MGAT5: variants seen among roughly 807,000 people sequenced by gnomAD.
MGAT5 encodes alpha-1,6-mannosylglycoprotein 6-beta-N-acetylglucosaminyltransferase A.
A neutral mutation model predicts 94.3 loss-of-function variants in MGAT5; 30 were observed. That is an observed-to-expected ratio of 0.32 (90% CI 0.24 to 0.43). MGAT5 has a LOEUF of 0.43. MGAT5 is among the 20% of genes least tolerant of loss of function. The pLI is 1.00. For synonymous variants in MGAT5, 310 were observed against 322.9 expected, an observed-to-expected ratio of 0.96 and a Z score of 0.43; for missense variants, 691 against 905.5, an observed-to-expected ratio of 0.76 and a Z score of 3.04.
intron 8 of MGAT5, among the ~76,000 whole-genome samples, 184 bp from the exon 9 acceptor site, chr2:134,349,621 A>G (rs1679242389): frequency 6.6e-6 from 1 of 152,218 alleles, no homozygotes; most frequent in South Asian, 2.1e-4. Context: ...CTCAGACTCT[A>G]AAGTGACACA....
intron 8 of MGAT5, among the ~76,000 whole-genome samples, chr2:134,345,793 T>C (rs1042427420): frequency 6.6e-6 from 1 of 152,186 alleles, no homozygotes; most frequent in Non-Finnish European, 1.5e-5. Context: ...TTTTTAACAA[T>C]GTGAGAGTAG....
chr2:134,441,837 A>G lies in MGAT5; in HGVS notation c.1949A>G (p.Lys650Arg). The G allele has an allele frequency of 6.2e-7, 1 of 1,614,090 alleles. No individual in the cohort carries two copies. Among genetic ancestry groups the G allele is most frequent in the Non-Finnish European group, 8.5e-7 (1 of 1,179,986 alleles). Residue 650 changes from lysine (K) to arginine (R), a missense_variant, in exon 15 of 16, where the codon AAG becomes AGG. This residue lies in a region of MGAT5 where 260 missense variants were observed against 347.0 expected (regional missense o/e 0.75). Coordinates refer to ENST00000281923, the MANE Select transcript of MGAT5 (RefSeq NM_002410.5). ...VKLAEPGQSC[K>R]QVCQESQLIC... is the part of the protein sequence containing the mutation. ...CTTGCTGAGCCCGGGCAGTCCTGCA[A>G]GCAGGTGTGCCAGGAGAGCCAGCTC... is the stretch of plus-strand genomic sequence containing the variant.
At chr2:134,416,205 T>G (rs1454619233) in intron 12 of MGAT5, among the ~76,000 whole-genome samples, 1 of 152,248 alleles carries the variant, frequency 6.6e-6, no homozygotes, top group African/African-American at 2.4e-5. Context: ...TTTGCAATAT[T>G]GTGCAACCAT....
rs757410151 is a variant in MGAT5, at chr2:134,336,208, G to C, written c.574-9G>C. ...AAGCTGCATATTTAGTGTCACTGAT[G>C]CTTTTTAGGTTGAAAATTGGTGTCC... On this transcript the variant is annotated splice_polypyrimidine_tract_variant and intron_variant, in intron 4 of 15. Coordinates refer to ENST00000281923, the MANE Select transcript of MGAT5 (RefSeq NM_002410.5). 1.6e-5 allele frequency: 26 copies of C among 1,610,568 alleles called. No individual in the cohort carries two copies. The South Asian group carries it at 2.5e-4, about 16-fold the overall frequency.
chr2:134,257,230 T>C (rs1683023038), intron 1 of MGAT5, among the ~76,000 whole-genome samples: 1 of 152,156 alleles, frequency 6.6e-6, no homozygotes, highest in African/African-American at 2.4e-5. Flanking sequence ...CTGGTTTTAG[T>C]TTTTTTGTTT....
At chr2:134,213,062 G>T (rs1680285884) in intron 1 of MGAT5, among the ~76,000 whole-genome samples, 3 of 152,118 alleles carry the variant, frequency 2.0e-5, no homozygotes. Flanking sequence ...AGGCCTTTTG[G>T]ATATTTGCAT....
At chr2:134,289,440 G>C (rs1685211039) in intron 2 of MGAT5, among the ~76,000 whole-genome samples, 1 of 152,170 alleles carries the variant, frequency 6.6e-6, no homozygotes, top group African/African-American at 2.4e-5. Flanking sequence ...TGTGCTACCT[G>C]AGTCAGCGGA....
chr2:134,377,018 A>T (rs1196146873), intron 10 of MGAT5, among the ~76,000 whole-genome samples: 1 of 152,212 alleles, frequency 6.6e-6, no homozygotes, highest in Non-Finnish European at 1.5e-5. Context: ...TTCCTAGCTC[A>T]CATTGTTGAC....
At chr2:134,331,894 C>G (rs942690118) in intron 4 of MGAT5, among the ~76,000 whole-genome samples, 1 of 151,878 alleles carries the variant, frequency 6.6e-6, no homozygotes, top group African/African-American at 2.4e-5. Context: ...AACTACAAAC[C>G]ACTGCTCAAT....
chr2:134,219,661 A>G (rs183812392), intron 1 of MGAT5, among the ~76,000 whole-genome samples: 120 of 152,302 alleles, frequency 7.9e-4, no homozygotes, highest in African/African-American at 2.6e-3. Context: ...CCACTTAACC[A>G]TCACTACTAA....
chr2:134,273,775 G>A (rs1684179189), intron 2 of MGAT5, among the ~76,000 whole-genome samples: 1 of 152,218 alleles, frequency 6.6e-6, no homozygotes, highest in South Asian at 2.1e-4. Context: ...GGAAATTTAG[G>A]TGGAAATGAG....
intron 1 of MGAT5, among the ~76,000 whole-genome samples, chr2:134,137,516 C>T (rs879889569): frequency 2.6e-5 from 4 of 152,198 alleles, no homozygotes; most frequent in Non-Finnish European, 5.9e-5. Flanking sequence ...GACTTGAAGT[C>T]ATTGCTGTGC....
intron 1 of MGAT5, among the ~76,000 whole-genome samples, chr2:134,215,372 T>C (rs1362062702): frequency 6.6e-6 from 1 of 152,182 alleles, no homozygotes; most frequent in African/African-American, 2.4e-5. Context: ...GTTTGTTTGT[T>C]TTTTTAGCTC....
chr2:134,142,648 G>GT (rs1298461900), intron 1 of MGAT5, among the ~76,000 whole-genome samples: 2 of 152,204 alleles, frequency 1.3e-5, no homozygotes, highest in East Asian at 3.8e-4. Context: ...GTTTTTATTG[G>GT]TTTTGGCAAG....
chr2:134,128,816 CTGCCTTAGTCTCTCAAAA>C (rs1180220300), intron 1 of MGAT5, among the ~76,000 whole-genome samples: 1 of 152,214 alleles, frequency 6.6e-6, no homozygotes, highest in Non-Finnish European at 1.5e-5. Context: ...AGCGATCCTA[CTGCCTTAGTCTCTCAAAA>C]TGCCTTAGTC....
intron 13 of MGAT5, among the ~76,000 whole-genome samples, chr2:134,427,892 C>A (rs901672134): frequency 2.0e-5 from 3 of 152,182 alleles, no homozygotes; most frequent in Non-Finnish European, 4.4e-5. Flanking sequence ...CTCATTGTTG[C>A]CTTACAGCAG....
chr2:134,134,611 C>G (rs1284098887), intron 1 of MGAT5, among the ~76,000 whole-genome samples: 1 of 152,182 alleles, frequency 6.6e-6, no homozygotes, highest in Non-Finnish European at 1.5e-5. Context: ...TGAGATCACC[C>G]AGGGGTGGGC....
chr2:134,336,162 T>C, intron 4 of MGAT5, 55 bp from the exon 5 acceptor site: 1 of 1,409,224 alleles, frequency 7.1e-7, no homozygotes, highest in East Asian at 2.3e-5. Flanking sequence ...GCTTTTTATG[T>C]ATATTAATTC....
intron 4 of MGAT5, among the ~76,000 whole-genome samples, chr2:134,332,113 A>G (rs1247729373): frequency 1.3e-5 from 2 of 152,180 alleles, no homozygotes; most frequent in African/African-American, 2.4e-5. Flanking sequence ...GAACCAAAAA[A>G]GAGCCTGCAT....
Sources: allele counts gnomAD v4.1 joint callset (sites outside exome capture counted in the v4.1 genomes callset), GRCh38; gene constraint gnomAD v4.1.1; regional missense constraint gnomAD v4.1.1; transcripts MANE v1.5; gene names NCBI Gene and HGNC (gene_info 2026-07-23, HGNC 2026-07-21).